The following CSRNP3 variants were observed in gnomAD, a reference collection of about 807,000 sequenced individuals.
CSRNP3 encodes cysteine and serine rich nuclear protein 3.
In CSRNP3, 12 loss-of-function variants were observed where a neutral mutation model predicts 48.0. That is an observed-to-expected ratio of 0.25 (90% CI 0.16 to 0.41). CSRNP3 has a LOEUF of 0.41. Ranked by LOEUF, CSRNP3 falls within the 10% of genes least tolerant of loss-of-function variation. CSRNP3 has a pLI of 1.00. For synonymous variants in CSRNP3, 263 were observed against 269.7 expected, an observed-to-expected ratio of 0.98 and a Z score of 0.24; for missense variants, 580 against 724.4, an observed-to-expected ratio of 0.80 and a Z score of 2.29.
chr2:165,473,976 T>C (rs74822612), intron 1 of CSRNP3, among the ~76,000 whole-genome samples: 37,691 of 151,974 alleles, frequency 0.25, 4,809 homozygotes, highest in East Asian at 0.35. Flanking sequence ...ATCAACTTCA[T>C]GATCTCATAT....
intron 4 of CSRNP3, among the ~76,000 whole-genome samples, chr2:165,652,596 G>A (rs995003251): frequency 8.6e-5 from 13 of 151,994 alleles, no homozygotes; most frequent in African/African-American, 1.5e-4. Context: ...AGACTGGAGC[G>A]CAGTAGTGTA....
At chr2:165,663,325 G>A (rs1341023644) in intron 5 of CSRNP3, among the ~76,000 whole-genome samples, 1 of 152,172 alleles carries the variant, frequency 6.6e-6, no homozygotes, top group Non-Finnish European at 1.5e-5. Context: ...TATCCTTACA[G>A]AATTTCTGTT....
chr2:165,630,127 T>A (rs980976561), intron 4 of CSRNP3, among the ~76,000 whole-genome samples: 1 of 152,208 alleles, frequency 6.6e-6, no homozygotes, highest in Non-Finnish European at 1.5e-5. Context: ...GGGTGCATCA[T>A]CCAAGGCTGT....
At chr2:165,638,959 C>T (rs1181277902) in intron 4 of CSRNP3, among the ~76,000 whole-genome samples, 1 of 152,146 alleles carries the variant, frequency 6.6e-6, no homozygotes, top group Non-Finnish European at 1.5e-5. Context: ...CCTGTTGAGC[C>T]TCTGGTCATA....
chr2:165,477,483 A>ATATATAT (rs1558911043), intron 1 of CSRNP3, among the ~76,000 whole-genome samples: 5 of 129,674 alleles, frequency 3.9e-5, no homozygotes, highest in South Asian at 2.3e-4. Flanking sequence ...ATATATATGA[A>ATATATAT]ATATATATAT....
chr2:165,515,100 A>G (rs1412779758), intron 2 of CSRNP3, among the ~76,000 whole-genome samples: 1 of 151,932 alleles, frequency 6.6e-6, no homozygotes, highest in African/African-American at 2.4e-5. Flanking sequence ...CGGGCGGATC[A>G]TGAGGTCAGG....
At chr2:165,598,426 T>G (rs1685846817) in intron 4 of CSRNP3, among the ~76,000 whole-genome samples, 1 of 152,284 alleles carries the variant, frequency 6.6e-6, no homozygotes, top group South Asian at 2.1e-4. Flanking sequence ...TATGGATGAA[T>G]TTTTATATTT....
intron 3 of CSRNP3, among the ~76,000 whole-genome samples, chr2:165,544,901 A>G (rs1017682724): frequency 1.3e-5 from 2 of 152,194 alleles, no homozygotes; most frequent in Admixed American, 6.5e-5. Flanking sequence ...AAGAATTGAG[A>G]CTTAACCCTC....
At chr2:165,613,919 T>C (rs1026433434) in intron 4 of CSRNP3, among the ~76,000 whole-genome samples, 1 of 152,310 alleles carries the variant, frequency 6.6e-6, no homozygotes, top group East Asian at 1.9e-4. Flanking sequence ...AGAGTGTTTT[T>C]TTTTTTATTC....
intron 2 of CSRNP3, among the ~76,000 whole-genome samples, chr2:165,513,603 A>G (rs979618694): frequency 7.2e-5 from 11 of 152,242 alleles, no homozygotes; most frequent in South Asian, 4.1e-4. Context: ...AGCTAATTTT[A>G]TAGTTTAGTC....
chr2:165,656,771 G>A (rs1203482531), intron 4 of CSRNP3, among the ~76,000 whole-genome samples: 1 of 152,094 alleles, frequency 6.6e-6, no homozygotes, highest in Non-Finnish European at 1.5e-5. Context: ...TCTAAAATTT[G>A]TTGACATTTG....
At chr2:165,581,424 T>G (rs1374245922) in intron 3 of CSRNP3, among the ~76,000 whole-genome samples, 2 of 152,158 alleles carry the variant, frequency 1.3e-5, no homozygotes, top group Non-Finnish European at 2.9e-5. Flanking sequence ...ATGAACAATT[T>G]AGAGGCATCA....
Position 165,679,831 on chromosome 2 carries a change from G to T in CSRNP3, c.*78G>T. 1 of 1,520,470 alleles carries T rather than the reference G, an allele frequency of 6.6e-7. No homozygotes were observed. 94.2% of individuals were successfully genotyped at this position (1,520,470 alleles called of 1,614,324 possible). A position where few individuals can be genotyped will look rare whatever the true frequency, so the allele number is the denominator to read the frequency against. Reference sequence around the variant, plus strand: ...AATTGGATTTCCTGGGCTCATCATTGTTTAAACTGAAGACCAAGAAAACTT... The same window carrying T: ...AATTGGATTTCCTGGGCTCATCATTTTTTAAACTGAAGACCAAGAAAACTT... On this transcript the variant is annotated 3_prime_UTR_variant, in exon 7 of 7. Transcript: ENST00000651982.
intron 3 of CSRNP3, among the ~76,000 whole-genome samples, chr2:165,538,807 T>C (rs974003210): frequency 6.6e-6 from 1 of 151,970 alleles, no homozygotes; most frequent in African/African-American, 2.4e-5. Context: ...AATACACTTG[T>C]GAACACTGTC....
At chr2:165,505,009 C>T (rs1162353953) in intron 2 of CSRNP3, among the ~76,000 whole-genome samples, 1 of 152,030 alleles carries the variant, frequency 6.6e-6, no homozygotes, top group Non-Finnish European at 1.5e-5. Flanking sequence ...TAATCGTCAA[C>T]TAGTACATTG....
chr2:165,534,890 A>G (rs186848002), intron 3 of CSRNP3, among the ~76,000 whole-genome samples: 21 of 151,858 alleles, frequency 1.4e-4, no homozygotes, highest in African/African-American at 4.8e-4. Context: ...TTCTAAACCT[A>G]TATTTCTGTA....
chr2:165,658,145 A>G, intron 5 of CSRNP3, 125 bp downstream of exon 5: 1 of 1,101,320 alleles, frequency 9.1e-7, no homozygotes, highest in African/African-American at 1.6e-5. Flanking sequence ...GCTTGCTGAC[A>G]TTTTTTTAAA....
At chr2:165,529,527 T>C (rs1326747373) in intron 3 of CSRNP3, among the ~76,000 whole-genome samples, 1 of 152,146 alleles carries the variant, frequency 6.6e-6, no homozygotes, top group Non-Finnish European at 1.5e-5. Context: ...TTAAACCTAT[T>C]TTTCTTCCCC....
chr2:165,665,390 T>C (rs1400375261), intron 5 of CSRNP3, among the ~76,000 whole-genome samples: 1 of 152,174 alleles, frequency 6.6e-6, no homozygotes, highest in Non-Finnish European at 1.5e-5. Flanking sequence ...ATTTTCCACA[T>C]GAAGAGCATA....
Sources: allele counts gnomAD v4.1 joint callset (sites outside exome capture counted in the v4.1 genomes callset), GRCh38; gene constraint gnomAD v4.1.1; transcripts MANE v1.5; gene names NCBI Gene and HGNC (gene_info 2026-07-23, HGNC 2026-07-21).